The following GVQW3 variants were observed in gnomAD, a reference collection of about 807,000 sequenced individuals.
The protein encoded by GVQW3 is protein GVQW3.
GVQW3 carries 7 observed loss-of-function variants against 12.5 expected under a neutral mutation model. The ratio of observed to expected loss-of-function variants is 0.56; its 90% CI spans 0.32 to 1.05. The LOEUF (loss-of-function observed/expected upper bound fraction) is 1.05, where lower values mean the gene tolerates loss of function less well. Among genes scored for constraint, GVQW3 ranks in the 50% least tolerant of loss-of-function variants. The probability of loss-of-function intolerance (pLI) is 0.04; values close to 1 mark genes in which losing one functional copy is unlikely to be tolerated. For synonymous variants in GVQW3, 71 were observed against 67.2 expected, an observed-to-expected ratio of 1.06 and a Z score of -0.28; for missense variants, 188 against 190.8, an observed-to-expected ratio of 0.99 and a Z score of 0.09.
chr11:76,411,619 C>A (rs534105538), downstream of GVQW3: 1 of 152,352 alleles, frequency 6.6e-6, no homozygotes, highest in East Asian at 1.9e-4. Context: ...TTCCTTTCTT[C>A]CTTCTGCAAA....
chr11:76,399,387 C>T (rs1454956983), intron 1 of GVQW3, among the ~76,000 whole-genome samples: 1 of 152,148 alleles, frequency 6.6e-6, no homozygotes, highest in African/African-American at 2.4e-5. Context: ...AATGATCCAC[C>T]CACCTCGGCC....
At chr11:76,402,338 T>G (rs1055463921) in intron 1 of GVQW3, among the ~76,000 whole-genome samples, 5 of 152,034 alleles carry the variant, frequency 3.3e-5, no homozygotes, top group African/African-American at 1.2e-4. Flanking sequence ...GGATCACGTG[T>G]GGTTAGGAGT....
At chr11:76,390,681 G>A (rs1227854473) in intron 1 of GVQW3, among the ~76,000 whole-genome samples, 1 of 152,188 alleles carries the variant, frequency 6.6e-6, no homozygotes, top group Non-Finnish European at 1.5e-5. Flanking sequence ...AAAAAAATTA[G>A]CCGGGCGCGG....
chr11:76,391,813 G>A (rs1447488259), intron 1 of GVQW3, among the ~76,000 whole-genome samples: 2 of 152,202 alleles, frequency 1.3e-5, no homozygotes, highest in Non-Finnish European at 2.9e-5. Context: ...AATTAGCCGG[G>A]TGTGGTGGTG....
At chr11:76,410,224 C>G (rs1257294577), downstream of GVQW3, among the ~76,000 whole-genome samples, 1 of 152,184 alleles carries the variant, frequency 6.6e-6, no homozygotes, top group East Asian at 1.9e-4. Context: ...CACTGCACTC[C>G]AGCCTCCCAA....
At chr11:76,398,778 T>C (rs1411001961) in intron 1 of GVQW3, among the ~76,000 whole-genome samples, 1 of 152,202 alleles carries the variant, frequency 6.6e-6, no homozygotes, top group Non-Finnish European at 1.5e-5. Context: ...AATTTTCTTA[T>C]AGACGTATAT....
rs77215223 is a variant in GVQW3, at chr11:76,388,368, A to C, written c.465+6075A>C. ...GAGATCTGTCCTTTTAGGTAAGTGT[A>C]TTTGTCTTTTCCCCTAGAGAGCTCT... On this transcript the variant is annotated intron_variant, in intron 1 of 1. Transcript: ENST00000529331. Among the ~76,000 whole-genome samples, 22 of 152,212 alleles carry C rather than the reference A, an allele frequency of 1.4e-4. No homozygotes were observed. The East Asian group carries it at 3.7e-3, about 25-fold the overall frequency.
intron 1 of GVQW3, among the ~76,000 whole-genome samples, chr11:76,384,300 A>G (rs931826625): frequency 1.3e-5 from 2 of 152,176 alleles, no homozygotes; most frequent in Non-Finnish European, 2.9e-5. Context: ...AAAAATTACA[A>G]GTTCCTCATT....
At chr11:76,401,031 A>G (rs1590823416) in intron 1 of GVQW3, among the ~76,000 whole-genome samples, 1 of 148,842 alleles carries the variant, frequency 6.7e-6, no homozygotes, top group East Asian at 2.0e-4. Context: ...CTATTTTTAT[A>G]TATATATATA....
chr11:76,409,246 T>C (rs559363162), downstream of GVQW3, among the ~76,000 whole-genome samples: 7 of 152,274 alleles, frequency 4.6e-5, no homozygotes, highest in South Asian at 1.4e-3. Flanking sequence ...TGGAGGAAAA[T>C]ACAGCCAGGA....
chr11:76,383,344 A>G (rs1946798756), intron 1 of GVQW3: 1 of 152,238 alleles, frequency 6.6e-6, no homozygotes, highest in South Asian at 2.1e-4. Context: ...GAGGTTATGA[A>G]CAAGATCTCC....
intron 1 of GVQW3, chr11:76,382,725 CTTG>C (rs921822719): frequency 2.2e-5 from 8 of 370,254 alleles, no homozygotes; most frequent in Non-Finnish European, 3.4e-5. Context: ...CAGACCTTAG[CTTG>C]TTGTGGCTGT....
chr11:76,396,291 C>CTAT lies in GVQW3; in HGVS notation c.466-7352_466-7350dup, dbSNP rs978225558. 6.7e-3 allele frequency among the ~76,000 whole-genome samples: 1,013 copies of CTAT among 151,324 alleles called. 7 individuals carry two copies. The highest frequency in any genetic ancestry group is 0.021 in the African/African-American group (876 of 41,318). On this transcript the variant is annotated intron_variant, in intron 1 of 1. Transcript: ENST00000529331. Reference sequence around the variant, plus strand: ...CCATCGTTTTAACATTTCTGTGCTGCTATTATTATTATTATTATTTTATTA... The same window carrying CTAT: ...CCATCGTTTTAACATTTCTGTGCTGCTATTATTATTATTATTATTATTTTATTA...
In GVQW3 at chr11:76,405,322, C is replaced by T. The variant is rs6592632; in HGVS notation, c.*1564C>T. ...CTTTTGGGTAGCCAGTCAACAGGGT[C>T]TGCCATGTGCATAGAAAGCACAGTA... On this transcript the variant is annotated 3_prime_UTR_variant, in exon 2 of 2. Transcript: ENST00000529331. 38,172 of 152,150 alleles carry T rather than the reference C, an allele frequency of 0.25. 5,056 individuals carry two copies. The highest frequency in any genetic ancestry group is 0.36 in the Admixed American group (5,527 of 15,296). The allele number at this position is 152,150 out of a possible 1,614,324, so 9.4% of individuals were successfully genotyped here.
intron 1 of GVQW3, among the ~76,000 whole-genome samples, chr11:76,396,775 A>G (rs561554273): frequency 1.3e-5 from 2 of 152,346 alleles, no homozygotes; most frequent in African/African-American, 2.4e-5. Flanking sequence ...TAATTTTAGA[A>G]CAGATTACAG....
chr11:76,382,218 TAA>T lies in GVQW3; in HGVS notation c.392_393del (p.Lys131ThrfsTer5). 6.5e-7 allele frequency: 1 copy of T among 1,536,122 alleles called. No individual in the cohort carries two copies. The highest frequency in any genetic ancestry group is 2.4e-5 in the East Asian group (1 of 40,928). Reference sequence around the variant, plus strand: ...TTTCGGGTGTTTTGAAGGGTGAGCCTAAACCACGAAAACTTGACTTTCGGTCC... The same window carrying T: ...TTTCGGGTGTTTTGAAGGGTGAGCCTACCACGAAAACTTGACTTTCGGTCC... ...VISGVLKGEP[K>X]PRKLDFRSDL... On this transcript the variant is annotated frameshift_variant, in exon 1 of 2. Transcript: ENST00000529331. LOFTEE classifies it high-confidence loss of function.
chr11:76,388,051 G>A (rs1946853784), intron 1 of GVQW3, among the ~76,000 whole-genome samples: 1 of 152,144 alleles, frequency 6.6e-6, no homozygotes, highest in African/African-American at 2.4e-5. Context: ...TGCTGTTTTT[G>A]ACTAAAAATG....
At chr11:76,382,445 G>T (rs1157637395) in intron 1 of GVQW3, 152 bp downstream of exon 1, 7 of 684,640 alleles carry the variant, frequency 1.0e-5, no homozygotes, top group African/African-American at 3.6e-5. Flanking sequence ...GCTGAGAATT[G>T]GTTCACCCCA....
At chr11:76,413,452 A>G (rs1947095434) in exon 2 of GVQW3, 1 of 152,208 alleles carries the variant, frequency 6.6e-6, no homozygotes, top group African/African-American at 2.4e-5. Context: ...TCGAAGCTAG[A>G]TGGCCCTGGG....
Sources: allele counts gnomAD v4.1 joint callset (sites outside exome capture counted in the v4.1 genomes callset), GRCh38; gene constraint gnomAD v4.1.1; transcripts MANE v1.5; gene names NCBI Gene and HGNC (gene_info 2026-07-23, HGNC 2026-07-21).